Variants in POLE observed in about 807,000 individuals in gnomAD.
POLE encodes the protein DNA polymerase epsilon catalytic subunit A.
POLE carries 188 observed loss-of-function variants against 279.2 expected under a neutral mutation model. The ratio of observed to expected loss-of-function variants is 0.67; its 90% CI spans 0.60 to 0.76. The LOEUF is 0.76. Ranked by LOEUF, POLE falls within the 30% of genes least tolerant of loss-of-function variation. The probability of loss-of-function intolerance (pLI) is 0.00; values close to 1 mark genes in which losing one functional copy is unlikely to be tolerated. For missense variants in POLE, 2,703 were observed against 3,016.7 expected, an observed-to-expected ratio of 0.90 and a Z score of 2.44; for synonymous variants, 1,214 against 1,172.5, an observed-to-expected ratio of 1.04 and a Z score of -0.72.
chr12:132,644,237 C>T (rs573071775), intron 32 of POLE, among the ~76,000 whole-genome samples: 1 of 152,058 alleles, frequency 6.6e-6, no homozygotes, highest in East Asian at 1.9e-4. Context: ...TCACAGCTCA[C>T]TGCAGCCTCC....
chr12:132,668,791 C>T lies in POLE; in HGVS notation c.1923+20G>A, dbSNP rs1186111067. On this transcript the variant is annotated intron_variant, in intron 17 of 48. Transcript: ENST00000320574. This position sits in a 1 kb window ranked among gnomAD's most constrained non-coding sequence, Gnocchi z 4.0. ...TGGGCAGAGAGAGCTCCGACTCTGA[C>T]ACGGGAAGTAAAGTCTCACCTGCAG... is the stretch of plus-strand genomic sequence containing the variant. 1 of 1,613,794 alleles carries T rather than the reference C, an allele frequency of 6.2e-7. No individual in the cohort carries two copies. Among genetic ancestry groups the T allele is most frequent in the Non-Finnish European group, 8.5e-7 (1 of 1,179,720 alleles).
intron 19 of POLE, 25 bp from the exon 20 acceptor site, chr12:132,667,673 G>A (rs758506892): frequency 6.2e-7 from 1 of 1,612,710 alleles, no homozygotes; most frequent in Non-Finnish European, 8.5e-7. Flanking sequence ...GATGGGCAGA[G>A]CAGGTGGGTG....
chr12:132,653,689 G>A (rs749356914), intron 29 of POLE, among the ~76,000 whole-genome samples: 43 of 152,126 alleles, frequency 2.8e-4, no homozygotes, highest in South Asian at 8.3e-4. Flanking sequence ...ATGCTGGCTA[G>A]GATCTCCAAA....
chr12:132,648,861 G>C (rs2042347336), intron 32 of POLE, 68 bp downstream of exon 32: 2 of 1,529,234 alleles, frequency 1.3e-6, no homozygotes, highest in African/African-American at 2.7e-5. Context: ...TGGAGGCCAG[G>C]CTAGATCATG....
chr12:132,625,153 C>A (rs1359396214), intron 47 of POLE, 159 bp from the exon 48 acceptor site: 2 of 680,618 alleles, frequency 2.9e-6, no homozygotes, highest in African/African-American at 1.8e-5. Context: ...AAATGCACGA[C>A]CTCATCCCAC....
intron 16 of POLE, among the ~76,000 whole-genome samples, chr12:132,670,969 G>A (rs1025077978): frequency 2.0e-4 from 31 of 152,112 alleles, no homozygotes; most frequent in Admixed American, 1.2e-3. Context: ...TCTATTACAA[G>A]ATGTTTCTTG....
chr12:132,641,819 C>T lies in POLE; in HGVS notation c.5206G>A (p.Val1736Ile), dbSNP rs770181299. 2.7e-5 allele frequency: 44 copies of T among 1,602,046 alleles called. No homozygotes were observed. The East Asian group carries it at 2.9e-4, about 11-fold the overall frequency. The change falls in exon 39 of 49, where the codon GTC becomes ATC. Residue 1736 changes from valine (V) to isoleucine (I), a missense_variant. Around this residue, in one of 5 missense-constraint regions of POLE, gnomAD observed 1,551 missense variants for 1,686.1 expected, o/e 0.92. Coordinates refer to ENST00000320574, the MANE Select transcript of POLE (RefSeq NM_006231.4). ...CVELDLQNLA[V>I]NTILQSHHVN... The stretch of plus-strand genomic sequence containing the variant: ...TGGTGAGACTGGAGAATGGTGTTGA[C>T]GGCCAGGTTCTGAAGGTCCAGCTCC...
At position 132,662,294 on chromosome 12, in the gene POLE, C is replaced by T. The variant is rs1221012988; in HGVS notation, c.2707-610G>A. Among the ~76,000 whole-genome samples the T allele has an allele frequency of 5.3e-5, 8 of 152,328 alleles. No homozygotes were observed. In the East Asian group the frequency reaches 1.2e-3, roughly 22 times the overall value. ...TAAGGCTGAAAACAAAAGTAACTAT[C>T]TACAAATGCTGTACAGTGGCTGGTG... On this transcript the variant is annotated intron_variant, in intron 23 of 48. Coordinates refer to ENST00000320574, the MANE Select transcript of POLE (RefSeq NM_006231.4).
In POLE at chr12:132,649,015, A is replaced by T. The variant is rs2138598656; in HGVS notation, c.4063T>A (p.Leu1355Met). 1 of 1,613,876 alleles carries T rather than the reference A, an allele frequency of 6.2e-7. No homozygotes were observed. Among genetic ancestry groups the T allele is most frequent in the Non-Finnish European group, 8.5e-7 (1 of 1,179,954 alleles). The change falls in exon 32 of 49, where the codon TTG becomes ATG. Residue 1355 changes from leucine to methionine, a missense_variant. Transcript: ENST00000320574. ...GGGATGCTCAGCCTGATGCAGTGCA[A>T]GTCACTGCCAACGAGCGCCCACAGC... Reference protein sequence around the residue: ...FRLWALVGSDLHCIRLSIPRV... With the variant: ...FRLWALVGSDMHCIRLSIPRV...
intron 16 of POLE, 56 bp downstream of exon 16, chr12:132,672,159 G>A: frequency 8.4e-7 from 1 of 1,184,086 alleles, no homozygotes. Flanking sequence ...GAAAGACGTG[G>A]TCTGTGAAGA....
In POLE at chr12:132,625,651, C is replaced by T. The variant is rs1593696233; in HGVS notation, c.6651G>A (p.Gln2217=). Residue 2217 remains glutamine (Q), a synonymous_variant, in exon 47 of 49, where the codon CAG becomes CAA. Coordinates refer to ENST00000320574, the MANE Select transcript of POLE (RefSeq NM_006231.4). ...LQKKLMAFTL[Q]DLVCLKCRGV... The stretch of plus-strand genomic sequence containing the variant: ...GGCGGCATGCACGACTCACCAGGTC[C>T]TGCAGGGTGAAGGCCATCAGCTTCT... 1 of 1,613,622 alleles carries T rather than the reference C, an allele frequency of 6.2e-7. No individual in the cohort carries two copies.
chr12:132,646,692 C>T (rs920209605), intron 32 of POLE, among the ~76,000 whole-genome samples: 3 of 151,832 alleles, frequency 2.0e-5, no homozygotes, highest in Middle Eastern at 3.4e-3. Flanking sequence ...ATTAGCCGGG[C>T]GTGGTGGTGC....
Position 132,675,914 on chromosome 12 carries a change from G to T in POLE, c.1021-94C>A. The stretch of plus-strand genomic sequence containing the variant: ...CAAAGTTCAGAAGCAGCAGCCTCAT[G>T]TTGGCCCTTATTCCTGCCCCGCCCC... On this transcript the variant is annotated intron_variant, in intron 10 of 48. Coordinates refer to ENST00000320574, the MANE Select transcript of POLE (RefSeq NM_006231.4). The surrounding 1 kb of genome is among the most constrained non-coding windows in gnomAD (Gnocchi z 4.3). The T allele has an allele frequency of 2.7e-6, 3 of 1,122,204 alleles. No individual in the cohort carries two copies. The highest frequency in any genetic ancestry group is 4.0e-6 in the Non-Finnish European group (3 of 741,858). The allele number at this position is 1,122,204 out of a possible 1,614,324, so 69.5% of individuals were successfully genotyped here. A position where few individuals can be genotyped will look rare whatever the true frequency, so the allele number is the denominator to read the frequency against.
chr12:132,643,828 G>A lies in POLE; in HGVS notation c.4290+9C>T, dbSNP rs2138557888. 1 of 1,611,996 alleles carries A rather than the reference G, an allele frequency of 6.2e-7. No homozygotes were observed. ...CCCCCAGTTCAGTCGAGGGTGGCTG[G>A]GGAGTCACCTGAGTCTCATATACGC... On this transcript the variant is annotated intron_variant, in intron 33 of 48. Transcript: ENST00000320574.
rs1593711880 is a variant in POLE at position 132,634,211 on chromosome 12, C to T, written c.5979G>A (p.Gln1993=). The T allele has an allele frequency of 6.2e-7, 1 of 1,613,376 alleles. No homozygotes were observed. Among genetic ancestry groups the T allele is most frequent in the Non-Finnish European group, 8.5e-7 (1 of 1,179,514 alleles). The stretch of plus-strand genomic sequence containing the variant: ...CTGAAACAATCATGAGGAAGTAGTT[C>T]TGGCAGGAGGCTGCCTGTGGCAAAA... The part of the protein sequence containing the change: ...LQFLPQAASC[Q]NYFLMIVSAY... The change falls in exon 43 of 49, where the codon CAG becomes CAA. Residue 1993 remains glutamine (Q), a synonymous_variant. Transcript: ENST00000320574. The surrounding 1 kb of genome is among the most constrained non-coding windows in gnomAD (Gnocchi z 4.0).
Position 132,642,649 on chromosome 12 carries a change from C to G in POLE, c.4809G>C (p.Leu1603Phe), listed in dbSNP as rs75378940. The G allele has an allele frequency of 6.2e-7, 1 of 1,613,226 alleles. No individual in the cohort carries two copies. The highest frequency in any genetic ancestry group is 8.5e-7 in the Non-Finnish European group (1 of 1,180,020). ...LKRLASEIPV[L>F]EEFPLVPICV... ...AGATAGGCACCAGTGGGAATTCCTCCAAGACAGGAATTTCACTGGCCAGCC... is the reference window on the plus strand; with the variant it reads ...AGATAGGCACCAGTGGGAATTCCTCGAAGACAGGAATTTCACTGGCCAGCC... Residue 1603 changes from leucine to phenylalanine, a missense_variant, in exon 37 of 49, where the codon TTG becomes TTC. Physicochemically the swap from Leu to Phe is conservative, Grantham distance 22. Transcript: ENST00000320574.
chr12:132,663,522 C>T (rs78136908), intron 23 of POLE, among the ~76,000 whole-genome samples: 12 of 152,208 alleles, frequency 7.9e-5, no homozygotes, highest in African/African-American at 2.4e-4. Flanking sequence ...GGTCGTGACA[C>T]GAGGACAGAC....
chr12:132,677,732 A>C lies in POLE; in HGVS notation c.579-13T>G, dbSNP rs1271956595. 3 of 1,612,926 alleles carry C rather than the reference A, an allele frequency of 1.9e-6. No individual in the cohort carries two copies. ...CCTCTGCAGAACACTAGGAATTAAC[A>C]AGAGAGCAACTAACTCAGCTGCCAG... is the stretch of plus-strand genomic sequence containing the variant. On this transcript the variant is annotated splice_polypyrimidine_tract_variant and intron_variant, in intron 6 of 48. Coordinates refer to ENST00000320574, the MANE Select transcript of POLE (RefSeq NM_006231.4).
chr12:132,681,220 G>A lies in POLE; in HGVS notation c.122C>T (p.Thr41Met), dbSNP rs148269473. Reference sequence around the variant, plus strand: ...ACCAAACCGCAAATCCATCTTATCCGTCCACTGACTCCGTTCCAGGCGCTT... The same window carrying A: ...ACCAAACCGCAAATCCATCTTATCCATCCACTGACTCCGTTCCAGGCGCTT... ...ALKRLERSQW[T>M]DKMDLRFGFE... The change falls in exon 2 of 49, where the codon ACG becomes ATG. Residue 41 changes from threonine to methionine, a missense_variant. Physicochemically the swap from Thr to Met is moderately conservative, Grantham distance 81. Coordinates refer to ENST00000320574, the MANE Select transcript of POLE (RefSeq NM_006231.4). The A allele has an allele frequency of 2.0e-5, 32 of 1,614,120 alleles. No individual in the cohort carries two copies. In the East Asian group the frequency reaches 5.1e-4, roughly 26 times the overall value.
Sources: allele counts gnomAD v4.1 joint callset (sites outside exome capture counted in the v4.1 genomes callset), GRCh38; gene constraint gnomAD v4.1.1; regional missense constraint gnomAD v4.1.1; non-coding constraint Gnocchi (gnomAD v3.1); transcripts MANE v1.5; gene names NCBI Gene and HGNC (gene_info 2026-07-23, HGNC 2026-07-21).